Variants in RAI14 observed in about 807,000 individuals in gnomAD.
RAI14 encodes the protein retinoic acid induced 14.
A neutral mutation model predicts 115.4 loss-of-function variants in RAI14; 45 were observed. That is an observed-to-expected ratio of 0.39 (90% confidence interval 0.31 to 0.50). The LOEUF (loss-of-function observed/expected upper bound fraction) is 0.50. Among genes scored for constraint, RAI14 ranks in the 20% least tolerant of loss-of-function variants. The pLI is 0.85. For missense variants in RAI14, 939 were observed against 1,131.2 expected (o/e 0.83, Z 2.44); for synonymous variants, 371 against 415.4 (o/e 0.89, Z 1.30).
intron 3 of RAI14, among the ~76,000 whole-genome samples, chr5:34,772,513 G>A (rs1487237632): frequency 1.3e-5 from 2 of 152,176 alleles, no homozygotes; most frequent in African/African-American, 2.4e-5. Context: ...GATGAAATGA[G>A]TTAAAACTTA....
chr5:34,784,314 G>A (rs185368217), intron 3 of RAI14, among the ~76,000 whole-genome samples: 24 of 152,332 alleles, frequency 1.6e-4, no homozygotes, highest in Non-Finnish European at 3.2e-4. Context: ...AGACCCATCT[G>A]TAAAGACATT....
intron 2 of RAI14, among the ~76,000 whole-genome samples, chr5:34,723,892 A>G (rs1453324128): frequency 6.6e-6 from 1 of 152,220 alleles, no homozygotes; most frequent in Non-Finnish European, 1.5e-5. Flanking sequence ...ATATGCTTCA[A>G]AATTTCAATA....
chr5:34,811,666 T>G (rs1755601198), intron 8 of RAI14, 101 bp from the exon 9 acceptor site: 1 of 1,051,222 alleles, frequency 9.5e-7, no homozygotes, highest in Non-Finnish European at 1.4e-6. Context: ...AAGGTTTAAC[T>G]GCACTTAATC....
At chr5:34,793,960 A>G (rs114091198) in intron 3 of RAI14, among the ~76,000 whole-genome samples, 4,217 of 152,308 alleles carry the variant, frequency 0.028, 84 homozygotes, top group Non-Finnish European at 0.041. Flanking sequence ...CACTATTACT[A>G]AGGCTGGGAA....
intron 1 of RAI14, among the ~76,000 whole-genome samples, chr5:34,673,064 C>T (rs937683378): frequency 6.6e-6 from 1 of 152,136 alleles, no homozygotes; most frequent in Non-Finnish European, 1.5e-5. Flanking sequence ...CCTCTTAGAC[C>T]CAGCTGTTAC....
intron 1 of RAI14, among the ~76,000 whole-genome samples, chr5:34,670,830 T>TTGTGGACCTTG (rs1743560702): frequency 6.6e-6 from 1 of 152,202 alleles, no homozygotes; most frequent in Admixed American, 6.5e-5. Context: ...GTCCTCAGTC[T>TTGTGGACCTTG]CACCAGAGAA....
At chr5:34,698,887 C>A (rs1739684554) in intron 2 of RAI14, among the ~76,000 whole-genome samples, 1 of 152,032 alleles carries the variant, frequency 6.6e-6, no homozygotes, top group Non-Finnish European at 1.5e-5. Flanking sequence ...TGCTGTGGGG[C>A]AAGAACGACG....
chr5:34,723,882 A>C (rs1359273100), intron 2 of RAI14, among the ~76,000 whole-genome samples: 1 of 152,312 alleles, frequency 6.6e-6, no homozygotes, highest in East Asian at 1.9e-4. Context: ...TGGTATTTAC[A>C]TATGCTTCAA....
At chr5:34,821,171 T>C (rs1209647807) in intron 13 of RAI14, among the ~76,000 whole-genome samples, 1 of 152,112 alleles carries the variant, frequency 6.6e-6, no homozygotes, top group Non-Finnish European at 1.5e-5. Context: ...GGGAAAACAA[T>C]TAAAGCACTT....
chr5:34,804,668 TC>T (rs1451678828), intron 5 of RAI14, among the ~76,000 whole-genome samples: 5 of 152,218 alleles, frequency 3.3e-5, no homozygotes, highest in Admixed American at 6.5e-5. Context: ...TATTGCCAGT[TC>T]CAAGAATGCT....
chr5:34,731,352 T>C (rs913038782), intron 2 of RAI14, among the ~76,000 whole-genome samples: 1 of 152,250 alleles, frequency 6.6e-6, no homozygotes, highest in Non-Finnish European at 1.5e-5. Flanking sequence ...AAAGATACTT[T>C]GTCTAACAAA....
chr5:34,790,706 A>T (rs902575960), intron 3 of RAI14, among the ~76,000 whole-genome samples: 1 of 150,932 alleles, frequency 6.6e-6, no homozygotes, highest in East Asian at 1.9e-4. Flanking sequence ...AGAATATGGT[A>T]CAAGGTATTA....
chr5:34,669,536 T>C (rs1743473190), intron 1 of RAI14, among the ~76,000 whole-genome samples: 1 of 152,212 alleles, frequency 6.6e-6, no homozygotes, highest in Non-Finnish European at 1.5e-5. Context: ...GTCCTGGTGA[T>C]AAGTGCTACA....
intron 3 of RAI14, 57 bp from the exon 4 acceptor site, chr5:34,795,882 G>T: frequency 6.9e-7 from 1 of 1,453,216 alleles, no homozygotes; most frequent in South Asian, 1.2e-5. Context: ...AACTCTGTTG[G>T]AGATGAACAT....
intron 3 of RAI14, among the ~76,000 whole-genome samples, chr5:34,776,880 G>A (rs1388321726): frequency 6.6e-6 from 1 of 151,074 alleles, no homozygotes; most frequent in Admixed American, 6.6e-5. Context: ...TTAAAAACAA[G>A]GAAAAGAGCT....
intron 3 of RAI14, among the ~76,000 whole-genome samples, chr5:34,784,252 G>T (rs570951095): frequency 2.0e-5 from 3 of 152,262 alleles, no homozygotes; most frequent in South Asian, 2.1e-4. Flanking sequence ...GAAGTATAGG[G>T]TGTCTGGAAA....
chr5:34,682,845 C>T (rs1043636946), intron 1 of RAI14, among the ~76,000 whole-genome samples: 2 of 152,318 alleles, frequency 1.3e-5, no homozygotes, highest in East Asian at 3.9e-4. Flanking sequence ...TTCAGCTTTG[C>T]TGTATTTCTT....
At chr5:34,828,364 C>A (rs1757655610) in intron 16 of RAI14, among the ~76,000 whole-genome samples, 1 of 152,074 alleles carries the variant, frequency 6.6e-6, no homozygotes, top group Non-Finnish European at 1.5e-5. Context: ...TTAGATGGAT[C>A]ATTCACACAG....
intron 17 of RAI14, 111 bp from the exon 18 acceptor site, chr5:34,830,575 GAT>G: frequency 6.6e-7 from 1 of 1,522,644 alleles, no homozygotes; most frequent in East Asian, 2.4e-5. Context: ...TCCTGTGAAA[GAT>G]GTGGGAATTA....
Sources: allele counts gnomAD v4.1 joint callset (sites outside exome capture counted in the v4.1 genomes callset), GRCh38; gene constraint gnomAD v4.1.1; transcripts MANE v1.5; gene names NCBI Gene and HGNC (gene_info 2026-07-23, HGNC 2026-07-21).